Variants in FUT8 observed in about 807,000 individuals in gnomAD.
The protein encoded by FUT8 is alpha-(1,6)-fucosyltransferase.
In FUT8, 29 loss-of-function variants were observed where a neutral mutation model predicts 71.3. The ratio of observed to expected loss-of-function variants is 0.41; its 90% CI spans 0.30 to 0.55. The LOEUF (loss-of-function observed/expected upper bound fraction) is 0.55. Among genes scored for constraint, FUT8 ranks in the 20% least tolerant of loss-of-function variants. The probability of loss-of-function intolerance (pLI) is 0.34; values close to 1 mark genes in which losing one functional copy is unlikely to be tolerated. For synonymous variants in FUT8, 254 were observed against 239.3 expected, an observed-to-expected ratio of 1.06 and a Z score of -0.57; for missense variants, 544 against 702.1, an observed-to-expected ratio of 0.77 and a Z score of 2.55.
the FUT8 span, among the ~76,000 whole-genome samples, chr14:65,393,865 G>A: frequency 6.6e-6 from 1 of 152,178 alleles, no homozygotes; most frequent in East Asian, 1.9e-4. Context: ...GGCTGGGGAG[G>A]CCTTACAATC....
the FUT8 span, among the ~76,000 whole-genome samples, chr14:65,358,627 G>C: frequency 6.6e-6 from 1 of 151,990 alleles, no homozygotes; most frequent in Non-Finnish European, 1.5e-5. Context: ...TGTGGTTTTG[G>C]TAGAGATGGA....
chr14:65,542,152 A>T (rs1038010514), intron 2 of FUT8, among the ~76,000 whole-genome samples: 2 of 152,242 alleles, frequency 1.3e-5, no homozygotes, highest in African/African-American at 4.8e-5. Context: ...AGGAAACACT[A>T]TATAAATGTA....
chr14:65,641,770 T>G (rs1890852833), intron 6 of FUT8, among the ~76,000 whole-genome samples: 2 of 151,780 alleles, frequency 1.3e-5, no homozygotes, highest in African/African-American at 4.8e-5. Flanking sequence ...TTTTTTCATT[T>G]TCCTGTAAGT....
intron 3 of FUT8, among the ~76,000 whole-genome samples, chr14:65,592,653 A>G (rs1441966530): frequency 1.3e-5 from 2 of 152,190 alleles, no homozygotes; most frequent in African/African-American, 2.4e-5. Flanking sequence ...AGGACAGTTT[A>G]TCTTCTAGAA....
At chr14:65,438,080 A>G (rs1308287282) in intron 1 of FUT8, among the ~76,000 whole-genome samples, 1 of 152,148 alleles carries the variant, frequency 6.6e-6, no homozygotes, top group Non-Finnish European at 1.5e-5. Flanking sequence ...ATATGGAGAG[A>G]GGGGATAAGA....
At chr14:65,525,651 G>A (rs1427791788) in intron 2 of FUT8, among the ~76,000 whole-genome samples, 1 of 152,168 alleles carries the variant, frequency 6.6e-6, no homozygotes, top group East Asian at 1.9e-4. Flanking sequence ...TAATTCTGAT[G>A]TTAGGGTGTC....
intron 3 of FUT8, among the ~76,000 whole-genome samples, chr14:65,614,467 A>C (rs951245475): frequency 4.6e-5 from 7 of 152,206 alleles, no homozygotes; most frequent in East Asian, 1.9e-4. Context: ...AAACAACATA[A>C]ATTTATTCTC....
At chr14:65,360,914 C>CA in the FUT8 span, among the ~76,000 whole-genome samples, 1 of 151,942 alleles carries the variant, frequency 6.6e-6, no homozygotes, top group South Asian at 2.1e-4. Flanking sequence ...CATATTTTCT[C>CA]AAAAAAATTG....
At chr14:65,688,547 G>T (rs1218776706) in intron 7 of FUT8, among the ~76,000 whole-genome samples, 1 of 134,888 alleles carries the variant, frequency 7.4e-6, no homozygotes, top group East Asian at 2.3e-4. Context: ...AAAAAAAAAG[G>T]CAGGGGAGTT....
At chr14:65,487,434 G>T (rs1009730818) in intron 2 of FUT8, among the ~76,000 whole-genome samples, 1 of 151,916 alleles carries the variant, frequency 6.6e-6, no homozygotes. Flanking sequence ...GAGGTGGTGG[G>T]TGCCTGTAAT....
intron 7 of FUT8, among the ~76,000 whole-genome samples, chr14:65,717,556 G>A (rs1242829581): frequency 1.8e-5 from 2 of 113,370 alleles, no homozygotes; most frequent in African/African-American, 3.5e-5. Flanking sequence ...TCACATCCCA[G>A]ACGATGGGCG....
chr14:65,676,782 CAG>C (rs1279038563), intron 7 of FUT8, among the ~76,000 whole-genome samples: 1 of 152,136 alleles, frequency 6.6e-6, no homozygotes, highest in Non-Finnish European at 1.5e-5. Flanking sequence ...ATTTTGATAA[CAG>C]AGTCTTGTTT....
chr14:65,530,137 C>T (rs1441566950), intron 2 of FUT8, among the ~76,000 whole-genome samples: 1 of 152,092 alleles, frequency 6.6e-6, no homozygotes, highest in Non-Finnish European at 1.5e-5. Flanking sequence ...CAGGAACTTT[C>T]CCCCAAAATT....
At chr14:65,464,258 G>GTTTTTTTTTTTTTTTTTTTTTTTTTT (rs1566763367) in intron 2 of FUT8, among the ~76,000 whole-genome samples, 1 of 80,968 alleles carries the variant, frequency 1.2e-5, no homozygotes, top group African/African-American at 4.2e-5. Flanking sequence ...CAGTACTTTG[G>GTTTTTTTTTTTTTTTTTTTTTTTTTT]GTTTTTTTTT....
chr14:65,502,050 A>G (rs2139773427), intron 2 of FUT8, among the ~76,000 whole-genome samples: 1 of 152,036 alleles, frequency 6.6e-6, no homozygotes, highest in East Asian at 1.9e-4. Context: ...AGCTGGGACT[A>G]CAGGCACCTG....
chr14:65,379,340 G>A, the FUT8 span, among the ~76,000 whole-genome samples: 1 of 151,892 alleles, frequency 6.6e-6, no homozygotes, highest in Non-Finnish European at 1.5e-5. Context: ...GACCAGCCTG[G>A]CCAACATGGT....
rs904286749 is a variant in FUT8 at position 65,638,116 on chromosome 14, A to G, written c.597+8510A>G. Among the ~76,000 whole-genome samples, 4 of 152,212 alleles carry G rather than the reference A, an allele frequency of 2.6e-5. No homozygotes were observed. ...CTGGCACAAGGTGAAGTTCGTAACCACATTTCTTCTGGTTAGCTGCAGAAG... is the reference window on the plus strand; with the variant it reads ...CTGGCACAAGGTGAAGTTCGTAACCGCATTTCTTCTGGTTAGCTGCAGAAG... On this transcript the variant is annotated intron_variant, in intron 6 of 10. Transcript: ENST00000673929. The surrounding 1 kb of genome is among the most constrained non-coding windows in gnomAD (Gnocchi z 4.5).
chr14:65,376,555 C>T, the FUT8 span, among the ~76,000 whole-genome samples: 5 of 135,234 alleles, frequency 3.7e-5, 1 homozygote, highest in Admixed American at 7.5e-5. Context: ...GGATTATAGG[C>T]GCCCACCACC....
intron 2 of FUT8, among the ~76,000 whole-genome samples, chr14:65,549,094 T>C (rs1485128377): frequency 6.6e-6 from 1 of 152,144 alleles, no homozygotes; most frequent in African/African-American, 2.4e-5. Flanking sequence ...GCTAGGGAGA[T>C]TGTGGATCAA....
Sources: allele counts gnomAD v4.1 joint callset (sites outside exome capture counted in the v4.1 genomes callset), GRCh38; gene constraint gnomAD v4.1.1; non-coding constraint Gnocchi (gnomAD v3.1); transcripts MANE v1.5; gene names NCBI Gene and HGNC (gene_info 2026-07-23, HGNC 2026-07-21).